NCKAP5: variants seen among roughly 807,000 people sequenced by gnomAD.
NCKAP5 encodes NCK associated protein 5, also known as nck-associated protein 5.
Under a neutral mutation model 167.0 loss-of-function variants are expected in NCKAP5, and 92 were observed. The ratio of observed to expected loss-of-function variants is 0.55; its 90% CI spans 0.47 to 0.66. The LOEUF is 0.66. Ranked by LOEUF, NCKAP5 falls within the 30% of genes least tolerant of loss-of-function variation. NCKAP5 has a pLI of 0.00. For synonymous variants in NCKAP5, 891 were observed against 877.4 expected (o/e 1.02, Z -0.27); for missense variants, 2,378 against 2,315.0 (o/e 1.03, Z -0.56).
intron 2 of NCKAP5, among the ~76,000 whole-genome samples, chr2:133,528,562 G>C (rs1257940891): frequency 6.6e-6 from 1 of 152,164 alleles, no homozygotes; most frequent in African/African-American, 2.4e-5. Context: ...CAATAGCAAA[G>C]GATCTGAAAC....
intron 8 of NCKAP5, among the ~76,000 whole-genome samples, chr2:132,886,674 G>A (rs750899776): frequency 2.6e-5 from 4 of 152,136 alleles, no homozygotes; most frequent in Admixed American, 6.5e-5. Flanking sequence ...ATTTGAATTC[G>A]CCTGATGTTT....
intron 7 of NCKAP5, among the ~76,000 whole-genome samples, chr2:132,970,332 C>G (rs2076794627): frequency 6.6e-6 from 1 of 152,246 alleles, no homozygotes; most frequent in Non-Finnish European, 1.5e-5. Context: ...GTGCTAAATA[C>G]TGTGTATTTG....
chr2:132,726,990 CT>C (rs1052062999), intron 18 of NCKAP5, among the ~76,000 whole-genome samples: 2 of 152,204 alleles, frequency 1.3e-5, no homozygotes, highest in Non-Finnish European at 2.9e-5. Flanking sequence ...TCAACAAATG[CT>C]AACTGAACCA....
At chr2:132,989,242 C>T (rs946908886) in intron 7 of NCKAP5, among the ~76,000 whole-genome samples, 20 of 152,204 alleles carry the variant, frequency 1.3e-4, no homozygotes, top group African/African-American at 4.6e-4. Context: ...TGGAATGATG[C>T]CCCTCTCCAA....
At chr2:132,696,657 C>T (rs1180328567) in intron 19 of NCKAP5, among the ~76,000 whole-genome samples, 2 of 152,136 alleles carry the variant, frequency 1.3e-5, no homozygotes, top group African/African-American at 4.8e-5. Context: ...AATCATCGTA[C>T]ATGATTCACT....
At position 132,829,423 on chromosome 2, in the gene NCKAP5, A is replaced by G. The variant is rs185609674; in HGVS notation, c.807+31069T>C. 6.4e-4 allele frequency among the ~76,000 whole-genome samples: 97 copies of G among 152,286 alleles called. 1 individual carries two copies. Among genetic ancestry groups the G allele is most frequent in the African/African-American group, 2.2e-3 (93 of 41,554 alleles). On this transcript the variant is annotated intron_variant, in intron 11 of 19. Transcript: ENST00000409261. Reference sequence around the variant, plus strand: ...TATTATCTAGAACACGGATTTGCACACCACAACCTATGGACAAAATCCCTG... The same window carrying G: ...TATTATCTAGAACACGGATTTGCACGCCACAACCTATGGACAAAATCCCTG...
At chr2:133,370,702 A>ATTTT (rs57830853) in intron 3 of NCKAP5, among the ~76,000 whole-genome samples, 1 of 138,662 alleles carries the variant, frequency 7.2e-6, no homozygotes, top group African/African-American at 2.6e-5. Flanking sequence ...TGGCTAACGT[A>ATTTT]TTTTTTTTTT....
intron 6 of NCKAP5, among the ~76,000 whole-genome samples, chr2:133,103,862 G>A (rs1328569502): frequency 6.6e-6 from 1 of 152,160 alleles, no homozygotes. Flanking sequence ...CACAAAGTCC[G>A]AGAGAACTAG....
chr2:132,860,058 A>T (rs1689771794), intron 11 of NCKAP5, among the ~76,000 whole-genome samples: 2 of 152,206 alleles, frequency 1.3e-5, no homozygotes, highest in Admixed American at 6.5e-5. Flanking sequence ...GCATAGAGAG[A>T]GATATAAAAG....
chr2:132,925,578 A>G, intron 8 of NCKAP5, among the ~76,000 whole-genome samples: 1 of 151,590 alleles, frequency 6.6e-6, no homozygotes, highest in Admixed American at 6.6e-5. Context: ...AAAAAAAAAA[A>G]AAAAAAATCT....
At chr2:133,410,243 A>G (rs982091032) in intron 3 of NCKAP5, among the ~76,000 whole-genome samples, 2 of 152,218 alleles carry the variant, frequency 1.3e-5, no homozygotes, top group African/African-American at 4.8e-5. Context: ...AAGATAATAA[A>G]CATACAGGTA....
chr2:133,436,051 C>T (rs1836670), intron 3 of NCKAP5, among the ~76,000 whole-genome samples: 6,059 of 152,268 alleles, frequency 0.04, 151 homozygotes, highest in Admixed American at 0.084. Context: ...ACAGCTCATG[C>T]CCCTCCATCC....
chr2:133,075,471 G>A (rs1415367349), intron 6 of NCKAP5, among the ~76,000 whole-genome samples: 1 of 152,140 alleles, frequency 6.6e-6, no homozygotes, highest in East Asian at 1.9e-4. Flanking sequence ...ATTCTTTTAA[G>A]TTCTTGAAAA....
At chr2:133,111,083 C>T (rs1559149032) in intron 6 of NCKAP5, among the ~76,000 whole-genome samples, 1 of 152,118 alleles carries the variant, frequency 6.6e-6, no homozygotes, top group African/African-American at 2.4e-5. Flanking sequence ...CTAAAGGGTG[C>T]ATCTCCAAAT....
At chr2:133,137,540 G>C (rs758598074) in intron 5 of NCKAP5, among the ~76,000 whole-genome samples, 2 of 151,852 alleles carry the variant, frequency 1.3e-5, no homozygotes, top group African/African-American at 2.4e-5. Flanking sequence ...GGGCAAGTAA[G>C]ACAGATGGGC....
At chr2:132,775,945 A>G (rs1264915706) in intron 15 of NCKAP5, among the ~76,000 whole-genome samples, 1 of 152,190 alleles carries the variant, frequency 6.6e-6, no homozygotes, top group Admixed American at 6.5e-5. Context: ...CTGTCAGTAA[A>G]TCATCATCTC....
chr2:133,046,340 T>G (rs980321410), intron 6 of NCKAP5, among the ~76,000 whole-genome samples: 7 of 152,136 alleles, frequency 4.6e-5, no homozygotes, highest in African/African-American at 1.7e-4. Context: ...AACAAATAGC[T>G]CAAAAGGAGA....
In NCKAP5 at chr2:133,115,791, A is replaced by G. The variant is rs1284257306; in HGVS notation, c.341+14187T>C. Among the ~76,000 whole-genome samples the G allele has an allele frequency of 8.8e-3, 903 of 102,160 alleles. 27 individuals carry two copies. Among genetic ancestry groups the G allele is most frequent in the East Asian group, 0.054 (156 of 2,888 alleles). The allele number at this position is 102,160 out of a possible 152,430, so 67.0% of individuals were successfully genotyped here. A position where few individuals can be genotyped will look rare whatever the true frequency, so the allele number is the denominator to read the frequency against. The stretch of plus-strand genomic sequence containing the variant: ...TGTGTGTGTGTATATATATATATAT[A>G]TATATATATATATATATATATATAT... On this transcript the variant is annotated intron_variant, in intron 6 of 19. Transcript: ENST00000409261.
At chr2:133,183,130 A>T (rs1413110870) in intron 5 of NCKAP5, among the ~76,000 whole-genome samples, 7 of 152,144 alleles carry the variant, frequency 4.6e-5, no homozygotes, top group Non-Finnish European at 7.4e-5. Context: ...AAAAATCCAC[A>T]CACAAAAGAA....
Sources: gnomAD v4.1 joint callset for allele counts (sites outside exome capture counted in the v4.1 genomes callset) on GRCh38, gnomAD v4.1.1 for gene constraint, MANE v1.5 for transcripts, NCBI Gene and HGNC (gene_info 2026-07-23, HGNC 2026-07-21) for gene names.